GPC5: variants seen among roughly 807,000 people sequenced by gnomAD.
The protein encoded by GPC5 is glypican-5.
In GPC5, 47 loss-of-function variants were observed where a neutral mutation model predicts 53.9. The ratio of observed to expected loss-of-function variants is 0.87; its 90% CI spans 0.69 to 1.11. The LOEUF is 1.11. Ranked by LOEUF, GPC5 falls within the 50% of genes most tolerant of loss-of-function variation. GPC5 has a pLI of 0.00. For missense variants in GPC5, 748 were observed against 713.1 expected (o/e 1.05, Z -0.56); for synonymous variants, 286 against 263.3 (o/e 1.09, Z -0.84).
chr13:91,938,768 G>A (rs1252543948), intron 6 of GPC5, among the ~76,000 whole-genome samples: 2 of 152,030 alleles, frequency 1.3e-5, no homozygotes, highest in Non-Finnish European at 2.9e-5. Flanking sequence ...TTAAAAAATT[G>A]ACAAATGTAG....
chr13:91,599,478 A>C (rs902935196), intron 2 of GPC5, among the ~76,000 whole-genome samples: 1 of 152,194 alleles, frequency 6.6e-6, no homozygotes, highest in African/African-American at 2.4e-5. Context: ...CATTAAAAAA[A>C]TTCTGTTTAT....
intron 5 of GPC5, among the ~76,000 whole-genome samples, chr13:91,800,415 G>A (rs537225047): frequency 2.0e-5 from 3 of 152,108 alleles, no homozygotes; most frequent in African/African-American, 7.2e-5. Flanking sequence ...AAGGTCAGGA[G>A]TCTAAAATAG....
intron 7 of GPC5, among the ~76,000 whole-genome samples, chr13:92,860,349 T>C (rs528900633): frequency 6.6e-6 from 1 of 152,266 alleles, no homozygotes; most frequent in Non-Finnish European, 1.5e-5. Flanking sequence ...GGGAACCTTG[T>C]ATCTTTAGCC....
At chr13:92,035,304 C>T (rs1214274042) in intron 6 of GPC5, among the ~76,000 whole-genome samples, 1 of 152,086 alleles carries the variant, frequency 6.6e-6, no homozygotes, top group Non-Finnish European at 1.5e-5. Context: ...CTCTTCTCAG[C>T]TCCGATTCTC....
At chr13:91,900,508 A>G (rs1466636357) in intron 5 of GPC5, among the ~76,000 whole-genome samples, 1 of 152,108 alleles carries the variant, frequency 6.6e-6, no homozygotes, top group Non-Finnish European at 1.5e-5. Flanking sequence ...CATTATTGGT[A>G]ATTGATTATA....
chr13:91,979,758 A>T lies in GPC5; in HGVS notation c.1401+71701A>T, dbSNP rs527537282. On this transcript the variant is annotated intron_variant, in intron 6 of 7. Coordinates refer to ENST00000377067, the MANE Select transcript of GPC5 (RefSeq NM_004466.6). ...AGTTTCTATGTCACATATTCTTTAC[A>T]CTTAAAGAAATTCCTATGGGCACAA... Among the ~76,000 whole-genome samples the T allele has an allele frequency of 6.9e-4, 105 of 152,248 alleles. 1 individual carries two copies. The South Asian group carries it at 0.013, about 19-fold the overall frequency.
chr13:92,255,332 C>T (rs1191236917), intron 7 of GPC5, among the ~76,000 whole-genome samples: 4 of 152,116 alleles, frequency 2.6e-5, no homozygotes, highest in Non-Finnish European at 5.9e-5. Flanking sequence ...TGCTTTCTGT[C>T]TCAACATAAA....
At chr13:91,748,165 G>A (rs1009932504) in intron 4 of GPC5, among the ~76,000 whole-genome samples, 31 of 152,304 alleles carry the variant, frequency 2.0e-4, no homozygotes, top group South Asian at 1.2e-3. Flanking sequence ...TCTTCATAAC[G>A]CAGCATATCT....
At chr13:91,518,521 A>T (rs2139358580) in intron 2 of GPC5, among the ~76,000 whole-genome samples, 1 of 152,270 alleles carries the variant, frequency 6.6e-6, no homozygotes, top group South Asian at 2.1e-4. Context: ...GCAAAGCTTT[A>T]TAGCTCCATG....
intron 7 of GPC5, among the ~76,000 whole-genome samples, chr13:92,478,120 G>A (rs555639728): frequency 3.9e-5 from 6 of 152,092 alleles, no homozygotes; most frequent in Admixed American, 3.3e-4. Flanking sequence ...CCATGATCAC[G>A]GAGAATTTGT....
At chr13:92,020,699 A>G (rs200420747) in intron 6 of GPC5, among the ~76,000 whole-genome samples, 18 of 67,256 alleles carry the variant, frequency 2.7e-4, no homozygotes, top group Non-Finnish European at 2.2e-4. Context: ...TTTTTTTTTT[A>G]CTATTATGAA....
At chr13:92,718,638 CACA>C (rs1433989350) in intron 7 of GPC5, among the ~76,000 whole-genome samples, 4 of 151,996 alleles carry the variant, frequency 2.6e-5, no homozygotes, top group African/African-American at 9.7e-5. Context: ...TATTTGCTAT[CACA>C]ACAACAGGGT....
At chr13:92,469,122 G>A (rs1251993091) in intron 7 of GPC5, among the ~76,000 whole-genome samples, 2 of 152,156 alleles carry the variant, frequency 1.3e-5, no homozygotes, top group African/African-American at 2.4e-5. Flanking sequence ...AAATGAGTGA[G>A]CAGTTGTTAC....
intron 7 of GPC5, among the ~76,000 whole-genome samples, chr13:92,608,437 A>G (rs2139091465): frequency 6.6e-6 from 1 of 152,322 alleles, no homozygotes; most frequent in East Asian, 1.9e-4. Flanking sequence ...ACAGTATCCT[A>G]TAATGGTAGG....
intron 7 of GPC5, among the ~76,000 whole-genome samples, chr13:92,219,705 C>G (rs1257258611): frequency 6.6e-6 from 1 of 152,160 alleles, no homozygotes; most frequent in African/African-American, 2.4e-5. Flanking sequence ...TGGTCACCTT[C>G]CACAACCAAT....
At chr13:91,464,800 A>G (rs1748485415) in intron 2 of GPC5, among the ~76,000 whole-genome samples, 1 of 152,086 alleles carries the variant, frequency 6.6e-6, no homozygotes, top group South Asian at 2.1e-4. Context: ...ATAAAATTGC[A>G]TAGCACTACA....
chr13:91,837,903 C>A (rs1250353639), intron 5 of GPC5, among the ~76,000 whole-genome samples: 1 of 151,988 alleles, frequency 6.6e-6, no homozygotes, highest in Non-Finnish European at 1.5e-5. Context: ...GGGTGGGGGT[C>A]ATCCAAGGAG....
At chr13:92,077,692 G>T (rs72635461) in intron 6 of GPC5, among the ~76,000 whole-genome samples, 1 of 152,186 alleles carries the variant, frequency 6.6e-6, no homozygotes, top group Non-Finnish European at 1.5e-5. Flanking sequence ...GCACAGAAGG[G>T]ATGATCTGGC....
intron 7 of GPC5, among the ~76,000 whole-genome samples, chr13:92,284,523 C>T (rs569369626): frequency 1.7e-4 from 26 of 152,136 alleles, no homozygotes; most frequent in African/African-American, 5.6e-4. Context: ...TCCAGCAGCA[C>T]GTCAAAAAGC....
Sources: gnomAD v4.1 joint callset for allele counts (sites outside exome capture counted in the v4.1 genomes callset) on GRCh38, gnomAD v4.1.1 for gene constraint, MANE v1.5 for transcripts, NCBI Gene and HGNC (gene_info 2026-07-23, HGNC 2026-07-21) for gene names.